NAV3: variants seen among roughly 807,000 people sequenced by gnomAD.
The protein encoded by NAV3 is pore membrane and/or filament interacting like protein 1.
In NAV3, 87 loss-of-function variants were observed where a neutral mutation model predicts 244.7. That is an observed-to-expected ratio of 0.36 (90% CI 0.30 to 0.42). The LOEUF is 0.42. Ranked by LOEUF, NAV3 falls within the 20% of genes least tolerant of loss-of-function variation. NAV3 has a pLI of 1.00. For missense variants in NAV3, 2,663 were observed against 2,893.3 expected (o/e 0.92, Z 1.83); for synonymous variants, 1,126 against 1,042.2 (o/e 1.08, Z -1.55).
chr12:77,650,318 G>A (rs117769387), intron 2 of NAV3, among the ~76,000 whole-genome samples: 1 of 152,122 alleles, frequency 6.6e-6, no homozygotes, highest in Non-Finnish European at 1.5e-5. Context: ...CTCTACTGTG[G>A]AGGAGAGGGT....
intron 2 of NAV3, among the ~76,000 whole-genome samples, chr12:77,650,136 G>T (rs2136986733): frequency 6.6e-6 from 1 of 152,292 alleles, no homozygotes; most frequent in Non-Finnish European, 1.5e-5. Context: ...CAGGCTTTGT[G>T]CTGGCTTCTT....
chr12:77,805,855 G>T (rs188589033), intron 2 of NAV3, among the ~76,000 whole-genome samples: 1 of 152,234 alleles, frequency 6.6e-6, no homozygotes, highest in African/African-American at 2.4e-5. Context: ...CTTGTTATTG[G>T]TCTATTCAGG....
chr12:78,127,861 CAAAAT>C (rs1326591618), intron 17 of NAV3, among the ~76,000 whole-genome samples: 4 of 151,758 alleles, frequency 2.6e-5, no homozygotes, highest in African/African-American at 9.7e-5. Context: ...TTAATAATCT[CAAAAT>C]AATTATTCCA....
intron 1 of NAV3, among the ~76,000 whole-genome samples, chr12:77,901,235 C>T (rs1885254650): frequency 6.6e-6 from 1 of 152,072 alleles, no homozygotes; most frequent in East Asian, 1.9e-4. Context: ...TAAGTAGGTC[C>T]CACTTGTCAA....
At chr12:77,914,238 A>T (rs1009335110) in intron 1 of NAV3, among the ~76,000 whole-genome samples, 2 of 152,072 alleles carry the variant, frequency 1.3e-5, no homozygotes, top group Non-Finnish European at 2.9e-5. Context: ...TCTTACTGGC[A>T]CTTAAAGTGG....
chr12:78,016,090 G>C (rs1661277684), intron 8 of NAV3, among the ~76,000 whole-genome samples: 1 of 151,940 alleles, frequency 6.6e-6, no homozygotes, highest in Non-Finnish European at 1.5e-5. Flanking sequence ...GGCTCAAGGT[G>C]TTCTAGGCTC....
intron 12 of NAV3, among the ~76,000 whole-genome samples, chr12:78,067,604 A>C (rs1222783129): frequency 6.6e-6 from 1 of 151,950 alleles, no homozygotes; most frequent in African/African-American, 2.4e-5. Context: ...TTGAGAACCT[A>C]CTCTCTGCCA....
intron 23 of NAV3, among the ~76,000 whole-genome samples, chr12:78,162,160 A>G (rs1163065697): frequency 6.6e-6 from 1 of 152,178 alleles, no homozygotes; most frequent in East Asian, 1.9e-4. Flanking sequence ...AGCTAAGGGC[A>G]TAACATTTAA....
chr12:77,904,517 T>A (rs1232547318), intron 1 of NAV3, among the ~76,000 whole-genome samples: 2 of 152,018 alleles, frequency 1.3e-5, no homozygotes, highest in East Asian at 1.9e-4. Flanking sequence ...GGGGGAGAGA[T>A]AACATTAGGA....
intron 9 of NAV3, among the ~76,000 whole-genome samples, chr12:78,042,029 T>TCC (rs1437748430): frequency 2.0e-5 from 3 of 152,150 alleles, no homozygotes; most frequent in Non-Finnish European, 4.4e-5. Flanking sequence ...TCCTTCCCTG[T>TCC]CCCTCTCTTA....
chr12:78,146,459 T>C, intron 21 of NAV3, 67 bp downstream of exon 21: 1 of 652,678 alleles, frequency 1.5e-6, no homozygotes, highest in East Asian at 3.5e-5. Context: ...GAAATTAGTC[T>C]TGTGACCACT....
At chr12:77,772,967 T>G (rs987005290) in intron 2 of NAV3, among the ~76,000 whole-genome samples, 1 of 152,184 alleles carries the variant, frequency 6.6e-6, no homozygotes, top group African/African-American at 2.4e-5. Flanking sequence ...GCATATATAT[T>G]ATGTGAATAA....
At chr12:77,987,080 TGTAAA>T (rs1159318058) in intron 5 of NAV3, among the ~76,000 whole-genome samples, 5 of 152,328 alleles carry the variant, frequency 3.3e-5, no homozygotes, top group African/African-American at 7.2e-5. Flanking sequence ...TTGATTTCTA[TGTAAA>T]GTAGATTGAA....
chr12:78,158,888 G>A (rs1255943260), intron 22 of NAV3, among the ~76,000 whole-genome samples: 1 of 152,060 alleles, frequency 6.6e-6, no homozygotes, highest in Non-Finnish European at 1.5e-5. Flanking sequence ...TTTATATTCG[G>A]CATTTTGAGT....
chr12:78,016,064 A>G (rs1316356071), intron 8 of NAV3, among the ~76,000 whole-genome samples: 1 of 152,010 alleles, frequency 6.6e-6, no homozygotes, highest in Non-Finnish European at 1.5e-5. Flanking sequence ...ACTCTTTGAG[A>G]ATTTTCTTTC....
intron 2 of NAV3, among the ~76,000 whole-genome samples, chr12:77,708,562 A>C (rs1875947709): frequency 1.3e-5 from 2 of 152,182 alleles, no homozygotes; most frequent in Admixed American, 1.3e-4. Context: ...GTTCCATATG[A>C]ACTTTAAAGT....
intron 9 of NAV3, among the ~76,000 whole-genome samples, chr12:78,025,812 A>G (rs1593311686): frequency 6.6e-6 from 1 of 152,034 alleles, no homozygotes. Flanking sequence ...CTCTCACCAT[A>G]TGATCTCTGC....
intron 2 of NAV3, among the ~76,000 whole-genome samples, chr12:77,735,347 A>G (rs1366603421): frequency 2.0e-5 from 3 of 152,162 alleles, no homozygotes; most frequent in African/African-American, 4.8e-5. Flanking sequence ...TTGAATTGCA[A>G]TACAAATGGC....
At chr12:77,853,104 A>G (rs1413458714) in intron 1 of NAV3, among the ~76,000 whole-genome samples, 1 of 152,190 alleles carries the variant, frequency 6.6e-6, no homozygotes, top group Non-Finnish European at 1.5e-5. Flanking sequence ...TACTAACCTG[A>G]ATGCATCTTC....
Sources: gnomAD v4.1 joint callset for allele counts (sites outside exome capture counted in the v4.1 genomes callset) on GRCh38, gnomAD v4.1.1 for gene constraint, MANE v1.5 for transcripts, NCBI Gene and HGNC (gene_info 2026-07-23, HGNC 2026-07-21) for gene names.